STAT1: variants seen among roughly 807,000 people sequenced by gnomAD.
The protein encoded by STAT1 is signal transducer and activator of transcription 1.
A neutral mutation model predicts 111.7 loss-of-function variants in STAT1; 24 were observed. The observed-to-expected ratio is 0.21, with a 90% CI of 0.16 to 0.30. STAT1 has a LOEUF of 0.30. Among genes scored for constraint, STAT1 ranks in the 10% least tolerant of loss-of-function variants. STAT1 has a pLI of 1.00. For missense variants in STAT1, 351 were observed against 911.9 expected (o/e 0.38, Z 7.92); for synonymous variants, 332 against 326.5 (o/e 1.02, Z -0.18).
chr2:191,009,229 A>T (rs1261813693), intron 3 of STAT1, 122 bp from the exon 4 acceptor site: 1 of 1,256,780 alleles, frequency 8.0e-7, no homozygotes, highest in African/African-American at 1.5e-5. Flanking sequence ...TCTTAGGTTT[A>T]TTTTCTTCTT....
At chr2:190,985,173 G>A (rs919629081) in intron 15 of STAT1, among the ~76,000 whole-genome samples, 2 of 152,216 alleles carry the variant, frequency 1.3e-5, no homozygotes, top group Admixed American at 1.3e-4. Flanking sequence ...CACGCTGTAG[G>A]AAGGAAACTG....
Position 190,987,014 on chromosome 2 carries a change from G to A in STAT1, c.1127+25C>T. 5 of 1,610,952 alleles carry A rather than the reference G, an allele frequency of 3.1e-6. No individual in the cohort carries two copies. Among genetic ancestry groups the A allele is most frequent in the South Asian group, 1.1e-5 (1 of 91,018 alleles). On this transcript the variant is annotated intron_variant, in intron 13 of 24. Transcript: ENST00000361099. The surrounding 1 kb of genome is among the most constrained non-coding windows in gnomAD (Gnocchi z 4.0). ...ATTAAATAAATAAAAATATAGCACAGTATAGCGTAAAGTACGTCACGTACC... is the reference window on the plus strand; with the variant it reads ...ATTAAATAAATAAAAATATAGCACAATATAGCGTAAAGTACGTCACGTACC...
Position 190,996,023 on chromosome 2 carries a change from T to A in STAT1, c.786-804A>T, listed in dbSNP as rs897952503. ...GCAAGCAGTGTCTCGGCAGGACCAGTCAGAGATGTGGGGCAGAGGGGCAGG... is the reference window on the plus strand; with the variant it reads ...GCAAGCAGTGTCTCGGCAGGACCAGACAGAGATGTGGGGCAGAGGGGCAGG... On this transcript the variant is annotated intron_variant, in intron 9 of 24. Transcript: ENST00000361099. The surrounding 1 kb of genome is among the most constrained non-coding windows in gnomAD (Gnocchi z 4.5). Among the ~76,000 whole-genome samples the A allele has an allele frequency of 6.7e-6, 1 of 150,072 alleles. No homozygotes were observed.
At position 190,982,256 on chromosome 2, in the gene STAT1, C is replaced by T; in HGVS notation, c.1582+127G>A. 1 of 1,105,964 alleles carries T rather than the reference C, an allele frequency of 9.0e-7. No individual in the cohort carries two copies. The highest frequency in any genetic ancestry group is 1.4e-6 in the Non-Finnish European group (1 of 733,758). The allele number at this position is 1,105,964 out of a possible 1,614,324, so 68.5% of individuals were successfully genotyped here. ...CTCACTTAGCTATAATAAACTATAGCTTGAAAAGCTGACAGATTTTAGTAC... is the reference window on the plus strand; with the variant it reads ...CTCACTTAGCTATAATAAACTATAGTTTGAAAAGCTGACAGATTTTAGTAC... On this transcript the variant is annotated intron_variant, in intron 18 of 24. Coordinates refer to ENST00000361099, the MANE Select transcript of STAT1 (RefSeq NM_007315.4). The surrounding 1 kb of genome is among the most constrained non-coding windows in gnomAD (Gnocchi z 7.3).
In STAT1 at chr2:190,989,274, A is replaced by G. The variant is rs1032889294; in HGVS notation, c.1097+341T>C. Among the ~76,000 whole-genome samples, 3 of 152,326 alleles carry G rather than the reference A, an allele frequency of 2.0e-5. No homozygotes were observed. The highest frequency in any genetic ancestry group is 7.2e-5 in the African/African-American group (3 of 41,580). ...GCTGATTACAATCTCATATGCACAA[A>G]GAGACACTCACTCTTTTGTTCATTT... On this transcript the variant is annotated intron_variant, in intron 12 of 24. Coordinates refer to ENST00000361099, the MANE Select transcript of STAT1 (RefSeq NM_007315.4). This position sits in a 1 kb window ranked among gnomAD's most constrained non-coding sequence, Gnocchi z 5.0.
rs1694487802 is a variant in STAT1 at position 191,004,001 on chromosome 2, G to A, written c.373-2838C>T. ...CCAGCTTCTACATCCCCTTTCTACTGACTTGCTGGGAGATGCTTGGTGGAA... is the reference window on the plus strand; with the variant it reads ...CCAGCTTCTACATCCCCTTTCTACTAACTTGCTGGGAGATGCTTGGTGGAA... On this transcript the variant is annotated intron_variant, in intron 5 of 24. Transcript: ENST00000361099. The surrounding 1 kb of genome is among the most constrained non-coding windows in gnomAD (Gnocchi z 5.0). Among the ~76,000 whole-genome samples, 1 of 152,188 alleles carries A rather than the reference G, an allele frequency of 6.6e-6. No homozygotes were observed. Among genetic ancestry groups the A allele is most frequent in the African/African-American group, 2.4e-5 (1 of 41,446 alleles).
rs1694008678 is a variant in STAT1, at chr2:190,998,444, A to C, written c.542-136T>G. 1.4e-6 allele frequency: 1 copy of C among 727,862 alleles called. No individual in the cohort carries two copies. Among genetic ancestry groups the C allele is most frequent in the South Asian group, 1.5e-5 (1 of 66,322 alleles). 45.1% of individuals were successfully genotyped at this position (727,862 alleles called of 1,614,324 possible). ...CAAAGTTTGGCTTTCTTCGATCTTT[A>C]ATGAACATGAAAAAAAGTCCTAAGT... On this transcript the variant is annotated intron_variant, in intron 7 of 24. Coordinates refer to ENST00000361099, the MANE Select transcript of STAT1 (RefSeq NM_007315.4). The surrounding 1 kb of genome is among the most constrained non-coding windows in gnomAD (Gnocchi z 4.1).
rs189959294 is a variant in STAT1, at chr2:190,986,117, G to A, written c.1222-457C>T. ...GGGAGCAGGCTGGGGCCCTGAGGGC[G>A]GCTCTGAATACCCTCAGGCACCTGA... On this transcript the variant is annotated intron_variant, in intron 14 of 24. Coordinates refer to ENST00000361099, the MANE Select transcript of STAT1 (RefSeq NM_007315.4). This position sits in a 1 kb window ranked among gnomAD's most constrained non-coding sequence, Gnocchi z 5.0. Among the ~76,000 whole-genome samples, 5 of 152,298 alleles carry A rather than the reference G, an allele frequency of 3.3e-5. No individual in the cohort carries two copies. Among genetic ancestry groups the A allele is most frequent in the East Asian group, 1.9e-4 (1 of 5,182 alleles).
chr2:190,992,793 C>CA, intron 10 of STAT1: 1 of 376,050 alleles, frequency 2.7e-6, no homozygotes, highest in Non-Finnish European at 4.3e-6. Context: ...TGCATTCTTT[C>CA]TTTTTTTTTT....
At chr2:191,001,353 CA>C (rs1411352694) in intron 5 of STAT1, among the ~76,000 whole-genome samples, 190 bp from the exon 6 acceptor site, 15 of 152,120 alleles carry the variant, frequency 9.9e-5, no homozygotes, top group African/African-American at 3.6e-4. Context: ...AACAAGGTTA[CA>C]AAAAAACTAG....
At position 190,988,228 on chromosome 2, in the gene STAT1, TGAA is replaced by T. The variant is rs1238742940; in HGVS notation, c.1098-1163_1098-1161del. On this transcript the variant is annotated intron_variant, in intron 12 of 24. Coordinates refer to ENST00000361099, the MANE Select transcript of STAT1 (RefSeq NM_007315.4). The stretch of plus-strand genomic sequence containing the variant: ...CCCAGGCTAGCCTTTTTGAGGTGCA[TGAA>T]GAAGGACCTGGTTATCCCAGCTGAG... Among the ~76,000 whole-genome samples, 6 of 152,328 alleles carry T rather than the reference TGAA, an allele frequency of 3.9e-5. No homozygotes were observed. The East Asian group carries it at 9.6e-4, about 24-fold the overall frequency.
rs1692603195 is a variant in STAT1 at position 190,984,181 on chromosome 2, A to C, written c.1347+129T>G. ...CATAAATTAAGGTTAAGATAGTATT[A>C]GCTGAAAAAGATCATTTTAAAACAA... On this transcript the variant is annotated intron_variant, in intron 16 of 24. Transcript: ENST00000361099. This position sits in a 1 kb window ranked among gnomAD's most constrained non-coding sequence, Gnocchi z 5.2. 2 of 775,624 alleles carry C rather than the reference A, an allele frequency of 2.6e-6. No homozygotes were observed. Among genetic ancestry groups the C allele is most frequent in the Non-Finnish European group, 4.4e-6 (2 of 455,066 alleles). 48.0% of individuals were successfully genotyped at this position (775,624 alleles called of 1,614,324 possible). A position where few individuals can be genotyped will look rare whatever the true frequency, so the allele number is the denominator to read the frequency against.
At chr2:190,994,164 C>A (rs1162563699) in intron 10 of STAT1, among the ~76,000 whole-genome samples, 1 of 152,132 alleles carries the variant, frequency 6.6e-6, no homozygotes, top group Non-Finnish European at 1.5e-5. Flanking sequence ...GAGGAAGTAT[C>A]CTCAGGAGAG....
chr2:190,980,714 C>A lies in STAT1; in HGVS notation c.1583-45G>T. On this transcript the variant is annotated intron_variant, in intron 18 of 24. Coordinates refer to ENST00000361099, the MANE Select transcript of STAT1 (RefSeq NM_007315.4). The surrounding 1 kb of genome is among the most constrained non-coding windows in gnomAD (Gnocchi z 6.1). ...ATTTTTCAGCAAACAGAAACTGATT[C>A]TAAAGCTTTGGTTGGACGGATGGCT... 6.3e-7 allele frequency: 1 copy of A among 1,597,810 alleles called. No homozygotes were observed. The highest frequency in any genetic ancestry group is 8.6e-7 in the Non-Finnish European group (1 of 1,165,318).
At position 190,977,089 on chromosome 2, in the gene STAT1, T is replaced by C; in HGVS notation, c.1874-64A>G. The C allele has an allele frequency of 6.6e-7, 1 of 1,515,870 alleles. No individual in the cohort carries two copies. The highest frequency in any genetic ancestry group is 9.2e-7 in the Non-Finnish European group (1 of 1,092,072). 93.9% of individuals were successfully genotyped at this position (1,515,870 alleles called of 1,614,324 possible). A position where few individuals can be genotyped will look rare whatever the true frequency, so the allele number is the denominator to read the frequency against. On this transcript the variant is annotated intron_variant, in intron 21 of 24. Coordinates refer to ENST00000361099, the MANE Select transcript of STAT1 (RefSeq NM_007315.4). The surrounding 1 kb of genome is among the most constrained non-coding windows in gnomAD (Gnocchi z 4.7). Reference sequence around the variant, plus strand: ...CCCAAAATGAAAGAGGACAGAGAAATAAAACACTGCAGAGTTGATGGATTT... The same window carrying C: ...CCCAAAATGAAAGAGGACAGAGAAACAAAACACTGCAGAGTTGATGGATTT...
chr2:190,988,078 C>T (rs945475403), intron 12 of STAT1, among the ~76,000 whole-genome samples: 2 of 152,198 alleles, frequency 1.3e-5, no homozygotes, highest in Admixed American at 6.5e-5. Context: ...ACTTCCCCAT[C>T]CCCCGAATCT....
chr2:190,981,523 AT>A lies in STAT1; in HGVS notation c.1583-855del, dbSNP rs1294452645. Among the ~76,000 whole-genome samples the A allele has an allele frequency of 1.3e-5, 2 of 152,242 alleles. No individual in the cohort carries two copies. The highest frequency in any genetic ancestry group is 4.8e-5 in the African/African-American group (2 of 41,458). On this transcript the variant is annotated intron_variant, in intron 18 of 24. Transcript: ENST00000361099. The surrounding 1 kb of genome is among the most constrained non-coding windows in gnomAD (Gnocchi z 4.1). Reference sequence around the variant, plus strand: ...ATGAGCCATTACAGCTAGAAAAGATATCCTTCTTAACTCTCACCAAATAAAG... The same window carrying A: ...ATGAGCCATTACAGCTAGAAAAGATACCTTCTTAACTCTCACCAAATAAAG...
chr2:191,002,027 T>C lies in STAT1; in HGVS notation c.373-864A>G, dbSNP rs181793098. Among the ~76,000 whole-genome samples, 9 of 152,366 alleles carry C rather than the reference T, an allele frequency of 5.9e-5. No homozygotes were observed. The East Asian group carries it at 1.3e-3, about 23-fold the overall frequency. On this transcript the variant is annotated intron_variant, in intron 5 of 24. Transcript: ENST00000361099. ...CAGATTCTACGGGGGTGTTTTTATA[T>C]GTGCAATTGTATCATCTTTTCTTCA...
chr2:191,011,752 G>T (rs138166158), intron 2 of STAT1, among the ~76,000 whole-genome samples: 27 of 152,240 alleles, frequency 1.8e-4, no homozygotes, highest in Non-Finnish European at 3.1e-4. Context: ...TCCCCTGCTT[G>T]CATCTATTCT....
Sources: allele counts gnomAD v4.1 joint callset (sites outside exome capture counted in the v4.1 genomes callset), GRCh38; gene constraint gnomAD v4.1.1; non-coding constraint Gnocchi (gnomAD v3.1); transcripts MANE v1.5; gene names NCBI Gene and HGNC (gene_info 2026-07-23, HGNC 2026-07-21).